SCARB1: variants seen among roughly 807,000 people sequenced by gnomAD.
SCARB1 encodes the protein CD36 and LIMPII analogous 1.
A neutral mutation model predicts 57.2 loss-of-function variants in SCARB1; 30 were observed. The ratio of observed to expected loss-of-function variants is 0.52; its 90% CI spans 0.39 to 0.71. SCARB1 has a LOEUF of 0.71. Ranked by LOEUF, SCARB1 falls within the 30% of genes least tolerant of loss-of-function variation. The pLI is 0.00. For missense variants in SCARB1, 543 were observed against 671.2 expected (o/e 0.81, Z 2.11); for synonymous variants, 249 against 268.3 (o/e 0.93, Z 0.70).
At chr12:124,788,255 G>A (rs1287064310) in intron 9 of SCARB1, among the ~76,000 whole-genome samples, 1 of 152,188 alleles carries the variant, frequency 6.6e-6, no homozygotes, top group Non-Finnish European at 1.5e-5. Flanking sequence ...ATCTCCTACA[G>A]GGCAGAGACC....
chr12:124,840,353 T>C (rs1476151124), intron 1 of SCARB1, among the ~76,000 whole-genome samples: 1 of 152,180 alleles, frequency 6.6e-6, no homozygotes, highest in Non-Finnish European at 1.5e-5. Flanking sequence ...AATTTTTGTA[T>C]TTTTAGTAGA....
At chr12:124,855,596 C>T (rs891281925) in intron 1 of SCARB1, among the ~76,000 whole-genome samples, 1 of 152,122 alleles carries the variant, frequency 6.6e-6, no homozygotes, top group Non-Finnish European at 1.5e-5. Flanking sequence ...TTTTGTTTTG[C>T]GTTTTTGATT....
At chr12:124,855,539 A>G (rs1378718406) in intron 1 of SCARB1, among the ~76,000 whole-genome samples, 1 of 152,240 alleles carries the variant, frequency 6.6e-6, no homozygotes, top group African/African-American at 2.4e-5. Flanking sequence ...GCTCAAGGTC[A>G]TGTCCAAACA....
In SCARB1 at chr12:124,814,813, G is replaced by C; in HGVS notation, c.426+160C>G. 4 of 859,682 alleles carry C rather than the reference G, an allele frequency of 4.7e-6. No individual in the cohort carries two copies. The highest frequency in any genetic ancestry group is 5.6e-6 in the Non-Finnish European group (3 of 531,950). The allele number at this position is 859,682 out of a possible 1,614,324, so 53.3% of individuals were successfully genotyped here. A position where few individuals can be genotyped will look rare whatever the true frequency, so the allele number is the denominator to read the frequency against. On this transcript the variant is annotated intron_variant, in intron 3 of 12. Coordinates refer to ENST00000261693, the MANE Select transcript of SCARB1 (RefSeq NM_005505.5). This position sits in a 1 kb window ranked among gnomAD's most constrained non-coding sequence, Gnocchi z 4.7. ...CACCTGGGAAACTCAGAACCCACTG[G>C]GGGTGGTGGAGACAGCACAGGGCCG...
chr12:124,862,859 AG>A (rs1289871937), intron 1 of SCARB1, among the ~76,000 whole-genome samples: 1 of 152,224 alleles, frequency 6.6e-6, no homozygotes, highest in Admixed American at 6.5e-5. Context: ...CCTGGTTGAA[AG>A]GGCAATGGTA....
chr12:124,807,839 C>A lies in SCARB1; in HGVS notation c.931G>T (p.Gly311Trp), dbSNP rs762642419. 5.6e-5 allele frequency: 90 copies of A among 1,614,100 alleles called. No individual in the cohort carries two copies. The highest frequency in any genetic ancestry group is 7.6e-5 in the Non-Finnish European group (90 of 1,180,010). Residue 311 changes from glycine (G) to tryptophan (W), a missense_variant, in exon 7 of 13, where the codon GGG becomes TGG. By Grantham distance (184) the Gly-to-Trp change is radical. Coordinates refer to ENST00000261693, the MANE Select transcript of SCARB1 (RefSeq NM_005505.5). This position sits in a 1 kb window ranked among gnomAD's most constrained non-coding sequence, Gnocchi z 5.3. Reference sequence around the variant, plus strand: ...CCTTCGTTGGGTGGGTAGATGGACCCGTTGGCAAACAGGGTTTTGGGAGCC... The same window carrying A: ...CCTTCGTTGGGTGGGTAGATGGACCAGTTGGCAAACAGGGTTTTGGGAGCC... ...FVAPKTLFANGSIYPPNEGFC... is the reference protein window; with the variant it reads ...FVAPKTLFANWSIYPPNEGFC...
chr12:124,855,486 C>T (rs1470300118), intron 1 of SCARB1, among the ~76,000 whole-genome samples: 1 of 152,194 alleles, frequency 6.6e-6, no homozygotes, highest in Non-Finnish European at 1.5e-5. Flanking sequence ...TTTTGTTTCT[C>T]TTTGCAAGAC....
At chr12:124,783,822 A>C (rs1190378848) in intron 11 of SCARB1, 3 of 152,212 alleles carry the variant, frequency 2.0e-5, no homozygotes, top group Non-Finnish European at 4.4e-5. Context: ...AACAAAAAAA[A>C]CTGGTAAGGT....
At chr12:124,805,835 G>T (rs1350772802) in intron 7 of SCARB1, among the ~76,000 whole-genome samples, 1 of 150,680 alleles carries the variant, frequency 6.6e-6, no homozygotes, top group Non-Finnish European at 1.5e-5. Context: ...CTCCTACAGG[G>T]TTGTGATTAC....
Position 124,778,530 on chromosome 12 carries a change from G to C in SCARB1, c.*57C>G, listed in dbSNP as rs772044242. 9 of 1,372,958 alleles carry C rather than the reference G, an allele frequency of 6.6e-6. 1 individual carries two copies. In the South Asian group the frequency reaches 1.6e-4, roughly 25 times the overall value. 85.0% of individuals were successfully genotyped at this position (1,372,958 alleles called of 1,614,324 possible). A position where few individuals can be genotyped will look rare whatever the true frequency, so the allele number is the denominator to read the frequency against. On this transcript the variant is annotated 3_prime_UTR_variant, in exon 13 of 13. Transcript: ENST00000261693. The stretch of plus-strand genomic sequence containing the variant: ...CCGGGAGAAGCGGGGTGTAGGGGCT[G>C]GGGGGCCGGTCAGGCCCAGCGGCCA...
intron 1 of SCARB1, among the ~76,000 whole-genome samples, chr12:124,852,136 T>C (rs886661918): frequency 5.9e-5 from 9 of 152,134 alleles, no homozygotes; most frequent in African/African-American, 2.2e-4. Context: ...TGACAGGTGC[T>C]GTCTCTTTAC....
chr12:124,817,325 C>T lies in SCARB1; in HGVS notation c.284+225G>A, dbSNP rs899031005. ...CTTGAGCCCAGGACTTCAAAACCAGCCTGGGCAACATAGCAAGATCCCATC... is the reference window on the plus strand; with the variant it reads ...CTTGAGCCCAGGACTTCAAAACCAGTCTGGGCAACATAGCAAGATCCCATC... On this transcript the variant is annotated intron_variant, in intron 2 of 12. Transcript: ENST00000261693. The surrounding 1 kb of genome is among the most constrained non-coding windows in gnomAD (Gnocchi z 4.8). Among the ~76,000 whole-genome samples the T allele has an allele frequency of 7.1e-6, 1 of 141,008 alleles. No individual in the cohort carries two copies. Among genetic ancestry groups the T allele is most frequent in the African/African-American group, 2.7e-5 (1 of 37,398 alleles). The allele number at this position is 141,008 out of a possible 152,430, so 92.5% of individuals were successfully genotyped here.
intron 1 of SCARB1, among the ~76,000 whole-genome samples, chr12:124,837,425 G>A (rs1205509488): frequency 6.7e-6 from 1 of 149,316 alleles, no homozygotes; most frequent in African/African-American, 2.5e-5. Context: ...GGGAAAGAGG[G>A]GAAGAAAGGG....
At chr12:124,799,436 G>C (rs1950060243) in intron 8 of SCARB1, among the ~76,000 whole-genome samples, 1 of 152,004 alleles carries the variant, frequency 6.6e-6, no homozygotes, top group Non-Finnish European at 1.5e-5. Flanking sequence ...TGAGGTGGGA[G>C]GATCACCTGA....
intron 8 of SCARB1, among the ~76,000 whole-genome samples, chr12:124,799,502 G>A (rs1035447256): frequency 6.6e-6 from 1 of 152,088 alleles, no homozygotes; most frequent in African/African-American, 2.4e-5. Flanking sequence ...ACCCCAGCCT[G>A]GGCAACCGAG....
intron 1 of SCARB1, among the ~76,000 whole-genome samples, chr12:124,843,962 G>A (rs1952023694): frequency 6.6e-6 from 1 of 152,186 alleles, no homozygotes; most frequent in Non-Finnish European, 1.5e-5. Flanking sequence ...TGAGAGCTGG[G>A]AGGGTGAACA....
chr12:124,802,789 G>A (rs1950179820), intron 7 of SCARB1, among the ~76,000 whole-genome samples: 1 of 152,214 alleles, frequency 6.6e-6, no homozygotes, highest in Admixed American at 6.5e-5. Flanking sequence ...CAAGTCGGAT[G>A]CCCTCACGCA....
At chr12:124,792,225 C>T (rs1047327752) in intron 9 of SCARB1, among the ~76,000 whole-genome samples, 17 of 152,132 alleles carry the variant, frequency 1.1e-4, no homozygotes, top group Admixed American at 4.6e-4. Flanking sequence ...CGACAGGTCA[C>T]GAGACAGCTC....
rs1453196066 is a variant in SCARB1, at chr12:124,777,123, C to T, written c.*1464G>A. ...AATACTGATGAAATGGTCTCATATT[C>T]AAACATCAACGATGATGACAATCGG... is the stretch of plus-strand genomic sequence containing the variant. On this transcript the variant is annotated 3_prime_UTR_variant, in exon 13 of 13. Transcript: ENST00000261693. The T allele has an allele frequency of 3.3e-5, 5 of 152,166 alleles. No individual in the cohort carries two copies. Among genetic ancestry groups the T allele is most frequent in the African/African-American group, 1.2e-4 (5 of 41,442 alleles). The allele number at this position is 152,166 out of a possible 1,614,324, so 9.4% of individuals were successfully genotyped here.
Sources: gnomAD v4.1 joint callset for allele counts (sites outside exome capture counted in the v4.1 genomes callset) on GRCh38, gnomAD v4.1.1 for gene constraint, Gnocchi (gnomAD v3.1) non-coding constraint, MANE v1.5 for transcripts, NCBI Gene and HGNC (gene_info 2026-07-23, HGNC 2026-07-21) for gene names.